Variants in SAMD8 observed in about 807,000 individuals in gnomAD.
SAMD8 encodes the protein sphingomyelin synthase-related protein 1.
SAMD8 carries 20 observed loss-of-function variants against 42.0 expected under a neutral mutation model. That is an observed-to-expected ratio of 0.48 (90% CI 0.34 to 0.69). The LOEUF is 0.69. Among genes scored for constraint, SAMD8 ranks in the 30% least tolerant of loss-of-function variants. The pLI is 0.01. For missense variants in SAMD8, 328 were observed against 511.6 expected, an observed-to-expected ratio of 0.64 and a Z score of 3.46; for synonymous variants, 162 against 173.0, an observed-to-expected ratio of 0.94 and a Z score of 0.50.
At chr10:75,105,096 C>A (rs546361132) in intron 1 of SAMD8, among the ~76,000 whole-genome samples, 8 of 152,238 alleles carry the variant, frequency 5.3e-5, no homozygotes, top group African/African-American at 1.9e-4. Context: ...TGGAGGCAGG[C>A]CCTGCTGGGT....
intron 3 of SAMD8, among the ~76,000 whole-genome samples, chr10:75,167,649 G>A (rs1840720155): frequency 1.3e-5 from 2 of 152,142 alleles, no homozygotes; most frequent in South Asian, 4.1e-4. Context: ...CTAGAGTGCA[G>A]TGGCACAATC....
chr10:75,181,702 T>G lies in SAMD8; in HGVS notation c.*5010T>G, dbSNP rs1166516476. ...TCTCTTTCAATCTGAAGAACTGGGT[T>G]GTCTGGAGAATTGAACATAGCCAAG... On this transcript the variant is annotated 3_prime_UTR_variant, in exon 6 of 6. Transcript: ENST00000542569. The G allele has an allele frequency of 2.0e-5, 3 of 152,220 alleles. No homozygotes were observed. In the East Asian group the frequency reaches 5.8e-4, roughly 29 times the overall value. 9.4% of individuals were successfully genotyped at this position (152,220 alleles called of 1,614,324 possible).
intron 1 of SAMD8, among the ~76,000 whole-genome samples, chr10:75,124,493 G>C (rs904372048): frequency 3.3e-5 from 5 of 151,748 alleles, no homozygotes; most frequent in African/African-American, 4.8e-5. Flanking sequence ...CACGCCTGTA[G>C]TTCCAGCTAC....
chr10:75,142,055 C>G (rs910655922), intron 1 of SAMD8, among the ~76,000 whole-genome samples: 3 of 152,116 alleles, frequency 2.0e-5, no homozygotes, highest in African/African-American at 7.2e-5. Context: ...TCAAGCAATT[C>G]TCCTGCCTCA....
In SAMD8 at chr10:75,180,319, C is replaced by G. The variant is rs938125325; in HGVS notation, c.*3627C>G. On this transcript the variant is annotated 3_prime_UTR_variant, in exon 6 of 6. Coordinates refer to ENST00000542569, the MANE Select transcript of SAMD8 (RefSeq NM_001174156.2). The stretch of plus-strand genomic sequence containing the variant: ...GCGGACTATGCCTATAATCCCAGCA[C>G]TTTAGGAGGCTGAGGCAGGCAGATC... 1 of 152,198 alleles carries G rather than the reference C, an allele frequency of 6.6e-6. No homozygotes were observed. Among genetic ancestry groups the G allele is most frequent in the Non-Finnish European group, 1.5e-5 (1 of 68,058 alleles). The allele number at this position is 152,198 out of a possible 1,614,324, so 9.4% of individuals were successfully genotyped here. A position where few individuals can be genotyped will look rare whatever the true frequency, so the allele number is the denominator to read the frequency against.
Position 75,150,754 on chromosome 10 carries a change from C to T in SAMD8, c.226C>T (p.Gln76Ter), listed in dbSNP as rs1840271030. ...GTTAATGCTCTCAGTCCGAAAATTGCAGAAAATACATATTGATGTTTTAGA... is the reference window on the plus strand; with the variant it reads ...GTTAATGCTCTCAGTCCGAAAATTGTAGAAAATACATATTGATGTTTTAGA... Reference protein sequence around the residue: ...KRLMLSVRKLQKIHIDVLEEM... With the variant: ...KRLMLSVRKL The change falls in exon 2 of 6, where the codon CAG becomes TAG. Residue 76 changes from glutamine (Q) to a stop codon, truncating the protein, a stop_gained. Coordinates refer to ENST00000542569, the MANE Select transcript of SAMD8 (RefSeq NM_001174156.2). LOFTEE classifies it high-confidence loss of function. 9 of 1,614,032 alleles carry T rather than the reference C, an allele frequency of 5.6e-6. No homozygotes were observed. Among genetic ancestry groups the T allele is most frequent in the Non-Finnish European group, 7.6e-6 (9 of 1,180,034 alleles).
At chr10:75,100,626 A>G (rs1362710919) in intron 1 of SAMD8, among the ~76,000 whole-genome samples, 1 of 150,870 alleles carries the variant, frequency 6.6e-6, no homozygotes, top group Non-Finnish European at 1.5e-5. Flanking sequence ...CTCCCCTCCC[A>G]CTCCCTGCAG....
intron 2 of SAMD8, among the ~76,000 whole-genome samples, chr10:75,161,917 A>C (rs1271263644): frequency 1.3e-5 from 2 of 152,040 alleles, no homozygotes; most frequent in African/African-American, 4.8e-5. Context: ...GGTGCCTATA[A>C]TCCCAGCTAC....
intron 1 of SAMD8, among the ~76,000 whole-genome samples, chr10:75,119,840 C>T (rs1475210234): frequency 6.6e-6 from 1 of 152,124 alleles, no homozygotes; most frequent in Admixed American, 6.5e-5. Context: ...CCGAGGCAGG[C>T]GGATTGCCTG....
chr10:75,167,352 G>C (rs1840710661), intron 3 of SAMD8, among the ~76,000 whole-genome samples: 1 of 152,054 alleles, frequency 6.6e-6, no homozygotes, highest in Admixed American at 6.6e-5. Flanking sequence ...GACCTCCTAG[G>C]CTCAATCAGT....
chr10:75,134,018 C>T (rs1849330049), intron 1 of SAMD8, among the ~76,000 whole-genome samples: 1 of 152,080 alleles, frequency 6.6e-6, no homozygotes, highest in African/African-American at 2.4e-5. Flanking sequence ...GTGAATAGTG[C>T]TGCAGTGAAC....
At chr10:75,126,096 T>G (rs1437862815) in intron 1 of SAMD8, among the ~76,000 whole-genome samples, 2 of 152,198 alleles carry the variant, frequency 1.3e-5, no homozygotes, top group Non-Finnish European at 1.5e-5. Flanking sequence ...ATACTTTTAT[T>G]TTTATTTATT....
intron 1 of SAMD8, among the ~76,000 whole-genome samples, chr10:75,128,034 T>G (rs2134440478): frequency 6.6e-6 from 1 of 151,962 alleles, no homozygotes; most frequent in South Asian, 2.1e-4. Flanking sequence ...TTAACAGCCC[T>G]CTAAAATTAA....
At chr10:75,174,361 C>A (rs1467377944) in intron 4 of SAMD8, among the ~76,000 whole-genome samples, 1 of 151,682 alleles carries the variant, frequency 6.6e-6, no homozygotes, top group African/African-American at 2.4e-5. Flanking sequence ...AATCTCCTGA[C>A]CTTGTGATCC....
At chr10:75,146,877 C>A (rs1840149849) in intron 1 of SAMD8, among the ~76,000 whole-genome samples, 1 of 152,144 alleles carries the variant, frequency 6.6e-6, no homozygotes, top group Non-Finnish European at 1.5e-5. Context: ...ATACCTCTTT[C>A]ATGCAGGCTT....
exon 1 of SAMD8, chr10:75,099,627 G>C: frequency 9.4e-7 from 1 of 1,065,948 alleles, no homozygotes. Flanking sequence ...GGGCCCTCCG[G>C]TCCCTCTAAA....
intron 1 of SAMD8, chr10:75,101,950 T>G (rs1219115635): frequency 7.3e-7 from 1 of 1,367,768 alleles, no homozygotes; most frequent in Admixed American, 1.9e-5. Flanking sequence ...CTCCGCACAC[T>G]TGATGCTGTT....
intron 4 of SAMD8, among the ~76,000 whole-genome samples, chr10:75,170,086 T>C (rs1253332152): frequency 2.0e-5 from 3 of 152,162 alleles, no homozygotes; most frequent in Non-Finnish European, 4.4e-5. Flanking sequence ...ACAGAAGAAA[T>C]TATGCAGATG....
At chr10:75,132,306 A>G in intron 1 of SAMD8, among the ~76,000 whole-genome samples, 1 of 152,182 alleles carries the variant, frequency 6.6e-6, no homozygotes, top group East Asian at 1.9e-4. Flanking sequence ...CCTCCTAGAC[A>G]CTTCAGAATT....
Sources: gnomAD v4.1 joint callset for allele counts (sites outside exome capture counted in the v4.1 genomes callset) on GRCh38, gnomAD v4.1.1 for gene constraint, MANE v1.5 for transcripts, NCBI Gene and HGNC (gene_info 2026-07-23, HGNC 2026-07-21) for gene names.